The following LHFPL6 variants were observed in gnomAD, a reference collection of about 807,000 sequenced individuals.
LHFPL6 encodes the protein LHFPL tetraspan subfamily member 6 protein.
Under a neutral mutation model 20.6 loss-of-function variants are expected in LHFPL6, and 9 were observed. That is an observed-to-expected ratio of 0.44 (90% CI 0.26 to 0.76). The LOEUF (loss-of-function observed/expected upper bound fraction) is 0.76, where lower values mean the gene tolerates loss of function less well. LHFPL6 is among the 30% of genes least tolerant of loss of function. The pLI is 0.20. For synonymous variants in LHFPL6, 105 were observed against 98.7 expected (o/e 1.06, Z -0.38); for missense variants, 218 against 253.5 (o/e 0.86, Z 0.95).
chr13:39,520,922 G>T lies in LHFPL6; in HGVS notation c.385+79910C>A, dbSNP rs556398637. ...AAGGTGATTTCATTGTGCAACCAAGGTTGAGAATGACTACAGGACTGGGAA... is the reference window on the plus strand; with the variant it reads ...AAGGTGATTTCATTGTGCAACCAAGTTTGAGAATGACTACAGGACTGGGAA... On this transcript the variant is annotated intron_variant, in intron 2 of 3. Coordinates refer to ENST00000379589, the MANE Select transcript of LHFPL6 (RefSeq NM_005780.3). Among the ~76,000 whole-genome samples, 7 of 152,246 alleles carry T rather than the reference G, an allele frequency of 4.6e-5. No individual in the cohort carries two copies. The South Asian group carries it at 1.5e-3, about 32-fold the overall frequency.
intron 3 of LHFPL6, among the ~76,000 whole-genome samples, chr13:39,364,518 C>T (rs537422897): frequency 6.6e-6 from 1 of 152,302 alleles, no homozygotes; most frequent in East Asian, 1.9e-4. Context: ...GCAAAAGAAA[C>T]AGAAATACTC....
chr13:39,507,045 T>C (rs769402687), intron 2 of LHFPL6, among the ~76,000 whole-genome samples: 1 of 152,218 alleles, frequency 6.6e-6, no homozygotes, highest in Non-Finnish European at 1.5e-5. Flanking sequence ...ATAAAAGCTG[T>C]TCGGGTTATC....
intron 2 of LHFPL6, among the ~76,000 whole-genome samples, chr13:39,526,772 T>C (rs1414215472): frequency 1.3e-5 from 2 of 152,204 alleles, no homozygotes; most frequent in Admixed American, 6.5e-5. Flanking sequence ...GCTACTGACA[T>C]CACGTGCAAC....
chr13:39,513,963 C>G (rs1869813699), intron 2 of LHFPL6, among the ~76,000 whole-genome samples: 1 of 152,116 alleles, frequency 6.6e-6, no homozygotes, highest in African/African-American at 2.4e-5. Context: ...CATCCTCAGC[C>G]CACTCTGCAA....
At chr13:39,544,190 T>G (rs1870900725) in intron 2 of LHFPL6, among the ~76,000 whole-genome samples, 1 of 152,184 alleles carries the variant, frequency 6.6e-6, no homozygotes, top group Non-Finnish European at 1.5e-5. Context: ...AGGGGGAAAT[T>G]GATAACAAGT....
chr13:39,484,900 A>T (rs1472076223), intron 2 of LHFPL6, among the ~76,000 whole-genome samples: 1 of 152,192 alleles, frequency 6.6e-6, no homozygotes, highest in Non-Finnish European at 1.5e-5. Flanking sequence ...CCTAATCTTC[A>T]GAAGGACTGA....
chr13:39,395,414 T>C (rs377131472), intron 2 of LHFPL6, among the ~76,000 whole-genome samples: 1 of 152,206 alleles, frequency 6.6e-6, no homozygotes, highest in Non-Finnish European at 1.5e-5. Flanking sequence ...ACTTTTCCCC[T>C]TGGGCTGCTT....
chr13:39,395,543 C>A (rs1436891334), intron 2 of LHFPL6, among the ~76,000 whole-genome samples: 1 of 152,182 alleles, frequency 6.6e-6, no homozygotes, highest in Non-Finnish European at 1.5e-5. Flanking sequence ...CTGCATTCCT[C>A]CCCGGAGCCT....
intron 2 of LHFPL6, among the ~76,000 whole-genome samples, chr13:39,538,893 A>C (rs1417425756): frequency 6.6e-6 from 1 of 152,206 alleles, no homozygotes; most frequent in Non-Finnish European, 1.5e-5. Flanking sequence ...TCTACCATGG[A>C]GTTATTCATC....
At chr13:39,602,782 C>G (rs1173147203) in intron 1 of LHFPL6, 101 bp downstream of exon 1, 1 of 152,376 alleles carries the variant, frequency 6.6e-6, no homozygotes, top group Admixed American at 6.5e-5. Flanking sequence ...TCAGGAAGTC[C>G]GGAGCCCGGG....
chr13:39,575,096 A>G (rs1462163833), intron 2 of LHFPL6, among the ~76,000 whole-genome samples: 1 of 152,072 alleles, frequency 6.6e-6, no homozygotes, highest in Non-Finnish European at 1.5e-5. Flanking sequence ...AGGTGGGTCT[A>G]AGAAATTTCC....
intron 2 of LHFPL6, among the ~76,000 whole-genome samples, chr13:39,429,521 C>G (rs2138403162): frequency 6.6e-6 from 1 of 152,224 alleles, no homozygotes; most frequent in South Asian, 2.1e-4. Context: ...TTCTTATAGG[C>G]AACATATAGT....
chr13:39,590,558 C>A (rs1872565971), intron 2 of LHFPL6, among the ~76,000 whole-genome samples: 1 of 152,174 alleles, frequency 6.6e-6, no homozygotes, highest in Admixed American at 6.5e-5. Context: ...TGCTTTTATT[C>A]TTTCTGATTA....
chr13:39,562,417 C>CAT (rs57302247), intron 2 of LHFPL6, among the ~76,000 whole-genome samples: 25 of 57,898 alleles, frequency 4.3e-4, no homozygotes, highest in African/African-American at 1.2e-3. Context: ...CACATATACA[C>CAT]ATATACATAT....
intron 2 of LHFPL6, among the ~76,000 whole-genome samples, chr13:39,437,244 C>T (rs1871982336): frequency 6.6e-6 from 1 of 152,154 alleles, no homozygotes; most frequent in African/African-American, 2.4e-5. Context: ...ACCCAAATAT[C>T]ATGTCAAATT....
rs1168860757 is a variant in LHFPL6, at chr13:39,441,823, CTT to C, written c.386-63299_386-63298del. 4.2e-3 allele frequency among the ~76,000 whole-genome samples: 463 copies of C among 110,004 alleles called. 1 individual carries two copies. Among genetic ancestry groups the C allele is most frequent in the African/African-American group, 6.0e-3 (172 of 28,794 alleles). The allele number at this position is 110,004 out of a possible 152,430, so 72.2% of individuals were successfully genotyped here. The stretch of plus-strand genomic sequence containing the variant: ...CCACTACACTGCACCTGGGCTAAAA[CTT>C]TTTTTTTTTTTTTTTTTTTTTGAGA... On this transcript the variant is annotated intron_variant, in intron 2 of 3. Transcript: ENST00000379589.
intron 2 of LHFPL6, among the ~76,000 whole-genome samples, chr13:39,385,700 T>C (rs1167287328): frequency 6.6e-6 from 1 of 152,242 alleles, no homozygotes; most frequent in Non-Finnish European, 1.5e-5. Flanking sequence ...TGCAAAACTC[T>C]TTCTATTCAA....
At chr13:39,431,437 C>T (rs1871799614) in intron 2 of LHFPL6, among the ~76,000 whole-genome samples, 1 of 152,172 alleles carries the variant, frequency 6.6e-6, no homozygotes, top group Admixed American at 6.5e-5. Context: ...CTGGAAGGAA[C>T]CAATTCTGAA....
At chr13:39,466,129 T>C (rs1566117890) in intron 2 of LHFPL6, among the ~76,000 whole-genome samples, 1 of 152,200 alleles carries the variant, frequency 6.6e-6, no homozygotes, top group Non-Finnish European at 1.5e-5. Context: ...TCAGCTATCT[T>C]TCACTAGGAG....
Sources: allele counts gnomAD v4.1 joint callset (sites outside exome capture counted in the v4.1 genomes callset), GRCh38; gene constraint gnomAD v4.1.1; transcripts MANE v1.5; gene names NCBI Gene and HGNC (gene_info 2026-07-23, HGNC 2026-07-21).